Variants in KCNMA1 observed in about 807,000 individuals in gnomAD.
KCNMA1 encodes potassium calcium-activated channel subfamily M alpha 1, also known as Calcium-activated potassium channel subunit alpha-1.
Under a neutral mutation model 140.0 loss-of-function variants are expected in KCNMA1, and 29 were observed. The ratio of observed to expected loss-of-function variants is 0.21; its 90% CI spans 0.15 to 0.28. The LOEUF (loss-of-function observed/expected upper bound fraction) is 0.28. KCNMA1 is among the 10% of genes least tolerant of loss of function. The pLI is 1.00. For missense variants in KCNMA1, 880 were observed against 1,602.2 expected (o/e 0.55, Z 7.70); for synonymous variants, 612 against 611.9 (o/e 1.00, Z 0.00).
At chr10:77,545,858 G>A (rs1011660610) in intron 1 of KCNMA1, among the ~76,000 whole-genome samples, 22 of 152,130 alleles carry the variant, frequency 1.4e-4, no homozygotes, top group African/African-American at 4.1e-4. Flanking sequence ...AGCTCAGCTC[G>A]GACTGAGTCA....
At chr10:77,215,111 T>G (rs2047293190) in intron 3 of KCNMA1, among the ~76,000 whole-genome samples, 1 of 152,134 alleles carries the variant, frequency 6.6e-6, no homozygotes, top group Non-Finnish European at 1.5e-5. Flanking sequence ...GTGCAGCCCT[T>G]AGCCCCCAGT....
intron 1 of KCNMA1, among the ~76,000 whole-genome samples, chr10:77,469,836 G>T (rs1302390697): frequency 6.6e-6 from 1 of 152,232 alleles, no homozygotes; most frequent in Non-Finnish European, 1.5e-5. Flanking sequence ...TGGGGGAAAA[G>T]ATAGCAATTC....
intron 5 of KCNMA1, among the ~76,000 whole-genome samples, chr10:77,168,476 G>A (rs1489495348): frequency 1.3e-5 from 2 of 152,088 alleles, no homozygotes; most frequent in Non-Finnish European, 2.9e-5. Context: ...TTGCTCCTAA[G>A]CTACAAATTT....
Position 77,027,836 on chromosome 10 carries a change from T to G in KCNMA1, c.1915A>C (p.Asn639His), listed in dbSNP as rs1456356588. Reference sequence around the variant, plus strand: ...CCGCAAACTTACCGGCTCTCTCGGTTGGCAGACTTGTACTCAATGGCTATC... The same window carrying G: ...CCGCAAACTTACCGGCTCTCTCGGTGGGCAGACTTGTACTCAATGGCTATC... ...LMIAIEYKSA[N>H]RESRILINPG... Residue 639 changes from asparagine to histidine, a missense_variant, in exon 16 of 28, where the codon AAC becomes CAC. This residue lies in a region of KCNMA1 where 196 missense variants were observed against 233.0 expected (regional missense o/e 0.84). Transcript: ENST00000286628. 1 of 1,613,994 alleles carries G rather than the reference T, an allele frequency of 6.2e-7. No individual in the cohort carries two copies. Among genetic ancestry groups the G allele is most frequent in the African/African-American group, 1.3e-5 (1 of 75,038 alleles).
intron 9 of KCNMA1, among the ~76,000 whole-genome samples, chr10:77,100,582 C>A (rs558048579): frequency 6.6e-6 from 1 of 152,170 alleles, no homozygotes; most frequent in Non-Finnish European, 1.5e-5. Flanking sequence ...CTGGACTTGG[C>A]CAGTTAGAAA....
chr10:77,441,064 C>T (rs1339926546), intron 1 of KCNMA1, among the ~76,000 whole-genome samples: 4 of 152,004 alleles, frequency 2.6e-5, no homozygotes, highest in Admixed American at 2.6e-4. Flanking sequence ...ACCTCGTGAT[C>T]CACCTTCCTT....
intron 5 of KCNMA1, among the ~76,000 whole-genome samples, chr10:77,129,546 A>G (rs1166214290): frequency 6.6e-6 from 1 of 152,222 alleles, no homozygotes. Flanking sequence ...ATACTGGCTA[A>G]CTAGAAGTTA....
At chr10:77,095,481 T>C (rs959799332) in intron 9 of KCNMA1, among the ~76,000 whole-genome samples, 4 of 152,144 alleles carry the variant, frequency 2.6e-5, no homozygotes, top group African/African-American at 4.8e-5. Flanking sequence ...AAGTAGTGCC[T>C]GGTGCTGGGT....
intron 18 of KCNMA1, among the ~76,000 whole-genome samples, chr10:77,005,363 T>C (rs2088109391): frequency 6.6e-6 from 1 of 152,212 alleles, no homozygotes; most frequent in Non-Finnish European, 1.5e-5. Flanking sequence ...ACAGGAGGAC[T>C]ATTTCAGTGG....
At chr10:77,304,150 C>T (rs1190778055) in intron 2 of KCNMA1, among the ~76,000 whole-genome samples, 4 of 152,058 alleles carry the variant, frequency 2.6e-5, no homozygotes, top group Non-Finnish European at 5.9e-5. Context: ...CAGAAATATA[C>T]TAAGGGGAAA....
intron 23 of KCNMA1, among the ~76,000 whole-genome samples, chr10:76,916,879 T>C (rs1337679162): frequency 1.3e-5 from 2 of 152,188 alleles, no homozygotes; most frequent in Admixed American, 1.3e-4. Context: ...GTGTATACAT[T>C]TCTTATCACT....
intron 2 of KCNMA1, among the ~76,000 whole-genome samples, chr10:77,311,641 C>T (rs1176583795): frequency 6.6e-6 from 1 of 152,140 alleles, no homozygotes; most frequent in African/African-American, 2.4e-5. Context: ...AGCAAGCGAG[C>T]TGGGCCAGAG....
chr10:77,164,920 A>AT (rs935271379), intron 5 of KCNMA1, among the ~76,000 whole-genome samples: 12 of 151,968 alleles, frequency 7.9e-5, no homozygotes, highest in East Asian at 3.9e-4. Context: ...GTTTCTTCCC[A>AT]TTTTTTCCCA....
chr10:77,082,264 T>C (rs2096598668), intron 12 of KCNMA1, among the ~76,000 whole-genome samples: 1 of 151,994 alleles, frequency 6.6e-6, no homozygotes, highest in African/African-American at 2.4e-5. Context: ...CCTGACCTCG[T>C]GATCTGCCCA....
At chr10:77,469,754 G>C (rs1349940374) in intron 1 of KCNMA1, among the ~76,000 whole-genome samples, 3 of 152,182 alleles carry the variant, frequency 2.0e-5, no homozygotes, top group Non-Finnish European at 4.4e-5. Flanking sequence ...AGGTCATTTA[G>C]AACCCAGAAA....
At chr10:77,104,849 AT>A (rs770471258) in intron 9 of KCNMA1, among the ~76,000 whole-genome samples, 2 of 152,124 alleles carry the variant, frequency 1.3e-5, no homozygotes, top group African/African-American at 4.8e-5. Flanking sequence ...AGAGCTGGGG[AT>A]CCCAAAGGCC....
chr10:77,414,580 C>A (rs1430549251), intron 1 of KCNMA1, among the ~76,000 whole-genome samples: 1 of 152,180 alleles, frequency 6.6e-6, no homozygotes, highest in Non-Finnish European at 1.5e-5. Flanking sequence ...CAGCCTCCGC[C>A]TCCCAGGTTC....
intron 2 of KCNMA1, among the ~76,000 whole-genome samples, chr10:77,323,153 T>C (rs1284209907): frequency 6.6e-6 from 1 of 152,176 alleles, no homozygotes; most frequent in African/African-American, 2.4e-5. Context: ...GATGCATACT[T>C]CCCTGTCACC....
chr10:77,206,503 C>G (rs899907944), intron 3 of KCNMA1, among the ~76,000 whole-genome samples: 5 of 152,152 alleles, frequency 3.3e-5, no homozygotes, highest in Admixed American at 3.3e-4. Flanking sequence ...TCTATCTGCT[C>G]TTGGTTTTTC....
Sources: allele counts gnomAD v4.1 joint callset (sites outside exome capture counted in the v4.1 genomes callset), GRCh38; gene constraint gnomAD v4.1.1; regional missense constraint gnomAD v4.1.1; transcripts MANE v1.5; gene names NCBI Gene and HGNC (gene_info 2026-07-23, HGNC 2026-07-21).